Variants in DMD observed in about 807,000 individuals in gnomAD.
DMD encodes dystrophin, also known as mutant dystrophin.
A neutral mutation model predicts 330.1 loss-of-function variants in DMD; 63 were observed. The ratio of observed to expected loss-of-function variants is 0.19; its 90% CI spans 0.16 to 0.24. DMD has a LOEUF of 0.24. DMD is among the 10% of genes least tolerant of loss of function. DMD has a pLI of 1.00. For synonymous variants in DMD, 1,223 were observed against 959.8 expected (o/e 1.27, Z -5.07); for missense variants, 3,344 against 2,684.1 (o/e 1.25, Z -5.43).
rs766970265 is a variant in DMD at position 31,671,961 on chromosome X, T to C, written c.7872+7414A>G. On this transcript the variant is annotated intron_variant, in intron 53 of 78. Coordinates refer to ENST00000357033, the MANE Select transcript of DMD (RefSeq NM_004006.3). The stretch of plus-strand genomic sequence containing the variant: ...TGCTTACTGTAGATTTACTTTTCTC[T>C]TCTTTTTCTAGTTTCTTAAGGTAGA... Among the ~76,000 whole-genome samples the C allele has an allele frequency of 4.5e-4, 50 of 111,883 alleles. No homozygotes were observed. The Middle Eastern group carries it at 0.014, about 31-fold the overall frequency.
chrX:32,172,443 C>A (rs2096890952), intron 44 of DMD, among the ~76,000 whole-genome samples: 1 of 111,686 alleles, frequency 9.0e-6, no homozygotes, highest in Non-Finnish European at 1.9e-5. Context: ...TTAAAAACAT[C>A]AGTTTCCGAA....
chrX:31,950,476 G>A (rs903763588), intron 45 of DMD, among the ~76,000 whole-genome samples: 40 of 110,871 alleles, frequency 3.6e-4, no homozygotes, highest in African/African-American at 1.2e-3. Context: ...ATTTGGTGGC[G>A]TCTCCTATAA....
intron 2 of DMD, among the ~76,000 whole-genome samples, chrX:32,861,742 A>G (rs1382242362): frequency 9.0e-6 from 1 of 111,549 alleles, no homozygotes; most frequent in Non-Finnish European, 1.9e-5. Context: ...GCCAAATCCA[A>G]CTAGTAGCCA....
intron 44 of DMD, among the ~76,000 whole-genome samples, chrX:32,072,683 T>C (rs1053801521): frequency 8.9e-6 from 1 of 111,882 alleles, no homozygotes; most frequent in African/African-American, 3.2e-5. Flanking sequence ...TGATAAAGTT[T>C]CCTGGTGTGC....
chrX:32,353,398 A>C (rs751378351), intron 37 of DMD, among the ~76,000 whole-genome samples: 1 of 111,771 alleles, frequency 8.9e-6, no homozygotes, highest in Non-Finnish European at 1.9e-5. Flanking sequence ...TGAGTCACCA[A>C]ATTTTAAAAC....
In DMD at chrX:32,744,456, T is replaced by G. The variant is rs528314345; in HGVS notation, c.650-45163A>C. ...TTTCAACTGTTAAATATGCTAATGA[T>G]TAAAAACTGTGCACCTATCTGCTCA... is the stretch of plus-strand genomic sequence containing the variant. On this transcript the variant is annotated intron_variant, in intron 7 of 78. Transcript: ENST00000357033. 9.2e-4 allele frequency among the ~76,000 whole-genome samples: 103 copies of G among 111,362 alleles called. 1 individual carries two copies. The South Asian group carries it at 0.038, about 41-fold the overall frequency.
chrX:32,788,503 A>T lies in DMD; in HGVS notation c.649+20990T>A, dbSNP rs371367440. Reference sequence around the variant, plus strand: ...TATGACAGTGTATCTCCTGCCTTGTATCCTTCTGTACAGCTAAGTAAATGT... The same window carrying T: ...TATGACAGTGTATCTCCTGCCTTGTTTCCTTCTGTACAGCTAAGTAAATGT... On this transcript the variant is annotated intron_variant, in intron 7 of 78. Coordinates refer to ENST00000357033, the MANE Select transcript of DMD (RefSeq NM_004006.3). Among the ~76,000 whole-genome samples, 33 of 111,988 alleles carry T rather than the reference A, an allele frequency of 2.9e-4. No individual in the cohort carries two copies. In the South Asian group the frequency reaches 7.9e-3, roughly 27 times the overall value.
At position 31,173,591 on chromosome X, in the gene DMD, G is replaced by A. The variant is rs1391772078; in HGVS notation, c.10276C>T (p.Pro3426Ser). Residue 3426 changes from proline (P) to serine (S), a missense_variant, in exon 72 of 79, where the codon CCT becomes TCT. Pro to Ser is a moderately conservative substitution (Grantham distance 74). Transcript: ENST00000357033. Reference sequence around the variant, plus strand: ...TGAGTATCATCGTGTGAAAGCTGAGGGGACGAGGCAGGCCTATAAGGCAGA... The same window carrying A: ...TGAGTATCATCGTGTGAAAGCTGAGAGGACGAGGCAGGCCTATAAGGCAGA... ...WPVDSAPASS[P>S]QLSHDDTHSR... is the part of the protein sequence containing the mutation. The A allele has an allele frequency of 1.7e-6, 2 of 1,209,794 alleles. No homozygotes were observed. Among genetic ancestry groups the A allele is most frequent in the Admixed American group, 4.4e-5 (2 of 45,913 alleles).
intron 19 of DMD, among the ~76,000 whole-genome samples, chrX:32,501,216 C>T (rs1237599780): frequency 9.0e-6 from 1 of 111,587 alleles, no homozygotes; most frequent in Non-Finnish European, 1.9e-5. Context: ...GCTTTTATCT[C>T]ACTCTAAAAA....
intron 44 of DMD, among the ~76,000 whole-genome samples, chrX:32,046,782 G>A (rs758686861): frequency 1.9e-4 from 21 of 111,729 alleles, no homozygotes; most frequent in Non-Finnish European, 2.1e-4. Flanking sequence ...CCCTGTGGAA[G>A]AACAACCTTT....
At chrX:31,316,042 G>A (rs1321420490) in intron 62 of DMD, among the ~76,000 whole-genome samples, 1 of 112,099 alleles carries the variant, frequency 8.9e-6, no homozygotes. Context: ...TCTCATTGAG[G>A]TTGAGCTAAG....
chrX:32,659,356 A>C (rs1249370295), intron 9 of DMD, among the ~76,000 whole-genome samples: 3 of 111,605 alleles, frequency 2.7e-5, no homozygotes, highest in African/African-American at 6.5e-5. Context: ...TATATCCTTC[A>C]TAAGGGAGAG....
intron 30 of DMD, among the ~76,000 whole-genome samples, chrX:32,394,908 C>CAAAAACAAAAACAAACAAACAAAA (rs1557326692): frequency 2.4e-4 from 9 of 37,117 alleles, no homozygotes; most frequent in African/African-American, 7.9e-4. Context: ...GAGCAAAAAA[C>CAAAAACAAAAACAAACAAACAAAA]AAAAAAACAA....
At chrX:32,818,249 T>C (rs778313311) in intron 5 of DMD, among the ~76,000 whole-genome samples, 3 of 111,883 alleles carry the variant, frequency 2.7e-5, no homozygotes, top group Non-Finnish European at 5.6e-5. Flanking sequence ...CTGCCCTCTA[T>C]GTGCATAACG....
At chrX:32,553,029 C>A (rs185191392) in intron 16 of DMD, among the ~76,000 whole-genome samples, 72 of 111,839 alleles carry the variant, frequency 6.4e-4, no homozygotes, top group Non-Finnish European at 1.2e-3. Context: ...ACAACGAAAA[C>A]CAGAATTACC....
At chrX:32,319,111 T>G (rs906732391) in intron 41 of DMD, among the ~76,000 whole-genome samples, 3 of 111,773 alleles carry the variant, frequency 2.7e-5, no homozygotes, top group African/African-American at 9.7e-5. Flanking sequence ...ATTTGCATTT[T>G]TATACAGATT....
chrX:31,180,046 C>A (rs1440720915), intron 69 of DMD, among the ~76,000 whole-genome samples: 2 of 111,661 alleles, frequency 1.8e-5, no homozygotes, highest in East Asian at 5.6e-4. Context: ...TGCCTCATGG[C>A]CATAAGATCG....
intron 9 of DMD, among the ~76,000 whole-genome samples, chrX:32,648,307 ACT>A (rs2059910506): frequency 8.9e-6 from 1 of 111,913 alleles, no homozygotes; most frequent in Non-Finnish European, 1.9e-5. Context: ...CATCAATTCA[ACT>A]ATATATATAC....
intron 4 of DMD, among the ~76,000 whole-genome samples, chrX:32,839,998 C>T (rs763661080): frequency 3.6e-5 from 4 of 111,878 alleles, no homozygotes; most frequent in Non-Finnish European, 7.5e-5. Context: ...CATGAGCCAC[C>T]GCGCCCAGCC....
Sources: allele counts gnomAD v4.1 joint callset (sites outside exome capture counted in the v4.1 genomes callset), GRCh38; gene constraint gnomAD v4.1.1; transcripts MANE v1.5; gene names NCBI Gene and HGNC (gene_info 2026-07-23, HGNC 2026-07-21).